The following CDK5RAP3 variants were observed in gnomAD, a reference collection of about 807,000 sequenced individuals.
CDK5RAP3 encodes CDK5 regulatory subunit associated protein 3.
A neutral mutation model predicts 73.3 loss-of-function variants in CDK5RAP3; 58 were observed. The ratio of observed to expected loss-of-function variants is 0.79; its 90% CI spans 0.64 to 0.98. The LOEUF (loss-of-function observed/expected upper bound fraction) is 0.98. Among genes scored for constraint, CDK5RAP3 ranks in the 50% least tolerant of loss-of-function variants. CDK5RAP3 has a pLI of 0.00. For missense variants in CDK5RAP3, 525 were observed against 615.8 expected (o/e 0.85, Z 1.56); for synonymous variants, 224 against 247.5 (o/e 0.91, Z 0.89).
At chr17:47,969,704 G>C (rs1427753575), upstream of CDK5RAP3, among the ~76,000 whole-genome samples, 2 of 151,814 alleles carry the variant, frequency 1.3e-5, no homozygotes, top group Non-Finnish European at 2.9e-5. Context: ...CCACCACTCG[G>C]ACCACAGATT....
At position 47,973,620 on chromosome 17, in the gene CDK5RAP3, GA is replaced by G. The variant is rs1237297872; in HGVS notation, c.156del (p.Glu53ArgfsTer17). On this transcript the variant is annotated frameshift_variant, in exon 3 of 14. Transcript: ENST00000338399. LOFTEE classifies it high-confidence loss of function. ...NAAIQDMPES[E>X]EIAQLLSGSY... ...TGCCATCCAGGACATGCCAGAGAGC[GA>G]AGAGATCGCCCAGCTGCTGTCTGGG... The G allele has an allele frequency of 6.2e-7, 1 of 1,614,028 alleles. No individual in the cohort carries two copies. The highest frequency in any genetic ancestry group is 8.5e-7 in the Non-Finnish European group (1 of 1,180,042).
chr17:47,970,736 G>T, upstream of CDK5RAP3: 1 of 1,534,274 alleles, frequency 6.5e-7, no homozygotes, highest in Non-Finnish European at 8.7e-7. Context: ...ATTTGCAACG[G>T]CCTCCCAGAT....
At chr17:47,978,940 C>G (rs755393872) in intron 11 of CDK5RAP3, 23 bp downstream of exon 11, 2 of 1,583,276 alleles carry the variant, frequency 1.3e-6, no homozygotes, top group African/African-American at 2.7e-5. Context: ...CTGGAAGATG[C>G]AGGGGGGAGG....
At chr17:47,979,056 A>G (rs1271211949) in intron 11 of CDK5RAP3, 139 bp downstream of exon 11, 11 of 661,342 alleles carry the variant, frequency 1.7e-5, no homozygotes, top group Non-Finnish European at 3.0e-5. Flanking sequence ...AGCCTCACGT[A>G]TTAGATGCCT....
chr17:47,974,815 T>C, intron 5 of CDK5RAP3: 2 of 1,270,654 alleles, frequency 1.6e-6, no homozygotes, highest in Non-Finnish European at 2.0e-6. Context: ...GAATATCAAG[T>C]GCCTGAGAGC....
chr17:47,973,819 G>A, intron 3 of CDK5RAP3, 112 bp from the exon 4 acceptor site: 5 of 1,204,834 alleles, frequency 4.1e-6, no homozygotes, highest in Non-Finnish European at 6.0e-6. Context: ...TTAGGGAAAA[G>A]CTACACACTA....
At chr17:47,969,542 G>A (rs1469733438), upstream of CDK5RAP3, among the ~76,000 whole-genome samples, 7 of 122,580 alleles carry the variant, frequency 5.7e-5, no homozygotes, top group Non-Finnish European at 9.5e-5. Context: ...GGGCGACAGA[G>A]CGTGACTCCG....
At chr17:47,970,929 A>T, upstream of CDK5RAP3, 1 of 1,450,204 alleles carries the variant, frequency 6.9e-7, no homozygotes, top group South Asian at 1.4e-5. Context: ...GGCTGTCTCC[A>T]TTCTCCCGCC....
upstream of CDK5RAP3, chr17:47,970,868 C>G: frequency 7.0e-7 from 1 of 1,418,598 alleles, no homozygotes; most frequent in Non-Finnish European, 9.4e-7. Context: ...ACGGCCGCTG[C>G]AGCGCACCCC....
chr17:47,975,771 G>A (rs1567724739), intron 7 of CDK5RAP3, 98 bp from the exon 8 acceptor site: 7 of 1,592,552 alleles, frequency 4.4e-6, no homozygotes, highest in African/African-American at 1.3e-5. Context: ...ACCTGAACCT[G>A]TGGGGGCCTT....
rs770380810 is a variant in CDK5RAP3 at position 47,981,157 on chromosome 17, G to A, written c.1284-6G>A. 20 of 1,612,422 alleles carry A rather than the reference G, an allele frequency of 1.2e-5. No individual in the cohort carries two copies. The highest frequency in any genetic ancestry group is 6.6e-5 in the South Asian group (6 of 90,952). On this transcript the variant is annotated splice_region_variant and splice_polypyrimidine_tract_variant and intron_variant, in intron 12 of 13. Coordinates refer to ENST00000338399, the MANE Select transcript of CDK5RAP3 (RefSeq NM_176096.3). ...AACCCAGCACTCACCTGAGTGCCCC[G>A]CACAGGTATGTGGACCGAGTGACTG...
At position 47,981,344 on chromosome 17, in the gene CDK5RAP3, G is replaced by C; in HGVS notation, c.1455+10G>C. 6.2e-7 allele frequency: 1 copy of C among 1,613,906 alleles called. No homozygotes were observed. Among genetic ancestry groups the C allele is most frequent in the Non-Finnish European group, 8.5e-7 (1 of 1,179,772 alleles). ...GGAGCTGCAGAAGCTGGTGAGATGGGAAAGGGAGGCCTGCCAGTGGGAGGA... is the reference window on the plus strand; with the variant it reads ...GGAGCTGCAGAAGCTGGTGAGATGGCAAAGGGAGGCCTGCCAGTGGGAGGA... On this transcript the variant is annotated intron_variant, in intron 13 of 13. Transcript: ENST00000338399.
At chr17:47,973,852 C>T in intron 3 of CDK5RAP3, 79 bp from the exon 4 acceptor site, 1 of 1,249,034 alleles carries the variant, frequency 8.0e-7, no homozygotes, top group Non-Finnish European at 1.2e-6. Flanking sequence ...GTATATTATA[C>T]ATGAATCAGC....
intron 8 of CDK5RAP3, 51 bp from the exon 9 acceptor site, chr17:47,976,661 G>T: frequency 3.9e-6 from 5 of 1,274,888 alleles, no homozygotes; most frequent in Non-Finnish European, 5.7e-6. Context: ...ACCATGCCCG[G>T]CCCTTTTTAA....
In CDK5RAP3 at chr17:47,976,268, T is replaced by C. The variant is rs188120206; in HGVS notation, c.798+255T>C. 6.8e-4 allele frequency among the ~76,000 whole-genome samples: 103 copies of C among 152,308 alleles called. 2 individuals carry two copies. In the East Asian group the frequency reaches 0.019, roughly 28 times the overall value. ...ATGTGAGCTCTCTGAAGATGGGCTT[T>C]CTTTGGGGTAGCTTAGAGGCCACTG... On this transcript the variant is annotated intron_variant, in intron 8 of 13. Coordinates refer to ENST00000338399, the MANE Select transcript of CDK5RAP3 (RefSeq NM_176096.3).
chr17:47,969,785 C>G (rs948841184), upstream of CDK5RAP3, among the ~76,000 whole-genome samples: 1 of 152,062 alleles, frequency 6.6e-6, no homozygotes, highest in Non-Finnish European at 1.5e-5. Flanking sequence ...ATTATAGACC[C>G]AAGTGCCTTC....
intron 9 of CDK5RAP3, 55 bp from the exon 10 acceptor site, chr17:47,977,777 C>T: frequency 1.4e-6 from 2 of 1,473,708 alleles, no homozygotes; most frequent in Non-Finnish European, 1.9e-6. Flanking sequence ...TATTCTGGCT[C>T]CTTGGCTCAG....
chr17:47,978,007 T>C, intron 10 of CDK5RAP3, 97 bp downstream of exon 10: 1 of 832,736 alleles, frequency 1.2e-6, no homozygotes, highest in Non-Finnish European at 1.9e-6. Context: ...ATGAGGCTTC[T>C]TGCACATTTA....
intron 11 of CDK5RAP3, 141 bp from the exon 12 acceptor site, chr17:47,980,452 A>G (rs2036524587): frequency 2.7e-6 from 2 of 735,940 alleles, no homozygotes; most frequent in Non-Finnish European, 4.8e-6. Flanking sequence ...ACATTTCTGT[A>G]GAGACAGGGT....
Sources: allele counts gnomAD v4.1 joint callset (sites outside exome capture counted in the v4.1 genomes callset), GRCh38; gene constraint gnomAD v4.1.1; transcripts MANE v1.5; gene names NCBI Gene and HGNC (gene_info 2026-07-23, HGNC 2026-07-21).